Variants in AP3B1 observed in about 807,000 individuals in gnomAD.
The protein encoded by AP3B1 is AP-3 complex subunit beta-1.
Under a neutral mutation model 132.5 loss-of-function variants are expected in AP3B1, and 61 were observed. The ratio of observed to expected loss-of-function variants is 0.46; its 90% CI spans 0.37 to 0.57. The LOEUF (loss-of-function observed/expected upper bound fraction) is 0.57, where lower values mean the gene tolerates loss of function less well. Among genes scored for constraint, AP3B1 ranks in the 20% least tolerant of loss-of-function variants. AP3B1 has a pLI of 0.00. For missense variants in AP3B1, 1,120 were observed against 1,289.4 expected, an observed-to-expected ratio of 0.87 and a Z score of 2.01; for synonymous variants, 388 against 438.3, an observed-to-expected ratio of 0.89 and a Z score of 1.43.
rs780402652 is a variant in AP3B1 at position 78,128,037 on chromosome 5, A to G, written c.1961T>C (p.Ile654Thr). The G allele has an allele frequency of 1.2e-6, 2 of 1,612,846 alleles. No individual in the cohort carries two copies. Among genetic ancestry groups the G allele is most frequent in the Non-Finnish European group, 1.7e-6 (2 of 1,178,982 alleles). The stretch of plus-strand genomic sequence containing the variant: ...TCAGAAAGGTCAACTTACCAACTCT[A>G]TTACTTCTACATTTCGAACTGATGG... Reference protein sequence around the residue: ...PDPSVRNVEVIELAKEWTPAG... With the variant: ...PDPSVRNVEVTELAKEWTPAG... The change falls in exon 17 of 27, where the codon ATA (isoleucine) becomes ACA (threonine). Residue 654 changes from isoleucine to threonine, a missense_variant. Ile to Thr is a moderately conservative substitution (Grantham distance 89, BLOSUM62 -1). Coordinates refer to ENST00000255194, the MANE Select transcript of AP3B1 (RefSeq NM_003664.5).
At chr5:78,089,358 G>C in intron 22 of AP3B1, 35 bp downstream of exon 22, 1 of 1,465,850 alleles carries the variant, frequency 6.8e-7, no homozygotes, top group East Asian at 2.3e-5. Flanking sequence ...GGCAACATAA[G>C]AAAACCGAGC....
intron 18 of AP3B1, 82 bp from the exon 19 acceptor site, chr5:78,114,005 C>T: frequency 6.9e-7 from 1 of 1,459,482 alleles, no homozygotes. Flanking sequence ...ATATTCATCA[C>T]AAATGAAACC....
intron 7 of AP3B1, among the ~76,000 whole-genome samples, chr5:78,186,692 T>C (rs1041019081): frequency 6.6e-6 from 1 of 152,184 alleles, no homozygotes; most frequent in Non-Finnish European, 1.5e-5. Context: ...ACTAAGGAGA[T>C]AAAAATCAGT....
intron 13 of AP3B1, among the ~76,000 whole-genome samples, chr5:78,158,216 C>T (rs905720467): frequency 5.3e-5 from 8 of 152,048 alleles, no homozygotes; most frequent in South Asian, 2.1e-4. Context: ...TCAGCACTTT[C>T]GGAGGCCGAG....
chr5:78,121,813 G>C (rs886974706), intron 17 of AP3B1: 1 of 152,318 alleles, frequency 6.6e-6, no homozygotes, highest in African/African-American at 2.4e-5. Flanking sequence ...CCAATCAATA[G>C]AAAAAGAGGG....
chr5:78,144,018 A>G (rs554352227), intron 14 of AP3B1, among the ~76,000 whole-genome samples: 6 of 152,260 alleles, frequency 3.9e-5, no homozygotes, highest in South Asian at 2.1e-4. Context: ...AAAAAAAGAA[A>G]AGTAAATTAG....
Position 78,171,167 on chromosome 5 carries a change from T to C in AP3B1, c.1167+4459A>G, listed in dbSNP as rs567906480. 4.6e-5 allele frequency among the ~76,000 whole-genome samples: 7 copies of C among 152,370 alleles called. No homozygotes were observed. In the East Asian group the frequency reaches 1.2e-3, roughly 25 times the overall value. ...TAGTATAGTTTGAAGTCAGGCAGCG[T>C]GATGCCTCCAGCTTTGTTCTTTTTG... On this transcript the variant is annotated intron_variant, in intron 11 of 26. Transcript: ENST00000255194.
chr5:78,163,786 C>T (rs1302228984), intron 12 of AP3B1, among the ~76,000 whole-genome samples: 1 of 151,438 alleles, frequency 6.6e-6, no homozygotes, highest in Non-Finnish European at 1.5e-5. Context: ...TTGCTTAGAA[C>T]CTTCCTAATT....
chr5:78,032,479 A>G (rs2112088376), intron 24 of AP3B1, among the ~76,000 whole-genome samples: 1 of 152,326 alleles, frequency 6.6e-6, no homozygotes, highest in East Asian at 1.9e-4. Context: ...AGGCACAGTC[A>G]GTGATTGGCA....
intron 22 of AP3B1, among the ~76,000 whole-genome samples, chr5:78,071,529 C>G (rs193248415): frequency 1.5e-3 from 235 of 152,230 alleles, no homozygotes; most frequent in Middle Eastern, 3.4e-3. Context: ...TGTAACAAAC[C>G]TGCACATCTT....
At chr5:78,232,784 G>A (rs929776628) in intron 3 of AP3B1, among the ~76,000 whole-genome samples, 2 of 151,946 alleles carry the variant, frequency 1.3e-5, no homozygotes, top group Non-Finnish European at 2.9e-5. Context: ...TCGGCTCACT[G>A]CAGCCTCTGC....
chr5:78,071,969 A>G (rs1469388205), intron 22 of AP3B1, among the ~76,000 whole-genome samples: 1 of 152,236 alleles, frequency 6.6e-6, no homozygotes, highest in Non-Finnish European at 1.5e-5. Context: ...GTACTAGTTT[A>G]TATTTACAAG....
At chr5:78,039,541 C>T (rs1747962608) in intron 22 of AP3B1, among the ~76,000 whole-genome samples, 1 of 152,012 alleles carries the variant, frequency 6.6e-6, no homozygotes, top group East Asian at 1.9e-4. Flanking sequence ...TTTGGGAGGC[C>T]GAGACGGGGA....
intron 22 of AP3B1, among the ~76,000 whole-genome samples, chr5:78,060,378 A>G (rs960318142): frequency 1.3e-5 from 2 of 152,240 alleles, no homozygotes; most frequent in Non-Finnish European, 2.9e-5. Context: ...AAAAAATTTA[A>G]TTCAGTCTGT....
chr5:78,080,972 C>CAGCTGGAGTAA (rs1749976023), intron 22 of AP3B1, among the ~76,000 whole-genome samples: 1 of 152,134 alleles, frequency 6.6e-6, no homozygotes, highest in African/African-American at 2.4e-5. Context: ...AGTAAGTTTT[C>CAGCTGGAGTAA]AGCTGGAGTA....
chr5:78,253,253 G>C (rs1246270510), intron 2 of AP3B1, among the ~76,000 whole-genome samples: 1 of 152,198 alleles, frequency 6.6e-6, no homozygotes, highest in East Asian at 1.9e-4. Flanking sequence ...TTCCCAAGAA[G>C]GATGGCCAAA....
intron 7 of AP3B1, among the ~76,000 whole-genome samples, chr5:78,184,861 A>G (rs973367467): frequency 6.6e-6 from 1 of 152,228 alleles, no homozygotes; most frequent in Non-Finnish European, 1.5e-5. Flanking sequence ...CTACAAATTG[A>G]GGAAGCTGAG....
intron 14 of AP3B1, among the ~76,000 whole-genome samples, chr5:78,145,343 C>T (rs1295483711): frequency 6.6e-6 from 1 of 152,142 alleles, no homozygotes; most frequent in Non-Finnish European, 1.5e-5. Context: ...ATCGCCAAAG[C>T]CCTATGAAGT....
At chr5:78,127,094 G>A (rs1752495063) in intron 17 of AP3B1, among the ~76,000 whole-genome samples, 1 of 152,054 alleles carries the variant, frequency 6.6e-6, no homozygotes. Context: ...ATTTCTCAGA[G>A]GAATCAAATT....
Sources: allele counts gnomAD v4.1 joint callset (sites outside exome capture counted in the v4.1 genomes callset), GRCh38; gene constraint gnomAD v4.1.1; transcripts MANE v1.5; gene names NCBI Gene and HGNC (gene_info 2026-07-23, HGNC 2026-07-21).